MRAP: variants seen among roughly 807,000 people sequenced by gnomAD.
MRAP encodes the protein melanocortin-2 receptor accessory protein.
In MRAP, 8 loss-of-function variants were observed where a neutral mutation model predicts 8.7. That is an observed-to-expected ratio of 0.92 (90% confidence interval 0.54 to 1.66). The LOEUF is 1.66. Ranked by LOEUF, MRAP falls within the 40% of genes most tolerant of loss-of-function variation. The pLI is 0.00. For missense variants in MRAP, 237 were observed against 217.1 expected, an observed-to-expected ratio of 1.09 and a Z score of -0.58; for synonymous variants, 95 against 95.5, an observed-to-expected ratio of 1.00 and a Z score of 0.03.
intron 2 of MRAP, chr21:32,311,405 T>TCCC: frequency 3.4e-6 from 1 of 291,706 alleles, no homozygotes; most frequent in Non-Finnish European, 6.5e-6. Flanking sequence ...CCTGCTCCCC[T>TCCC]CCACCCCCCA....
upstream of MRAP, among the ~76,000 whole-genome samples, chr21:32,297,724 C>T (rs957565933): frequency 6.6e-6 from 1 of 152,200 alleles, no homozygotes; most frequent in Non-Finnish European, 1.5e-5. Flanking sequence ...GAAAAGCCCA[C>T]AAGTCTGGCG....
chr21:32,293,476 C>T (rs1323443207), intron 2 of MRAP, among the ~76,000 whole-genome samples: 3 of 152,180 alleles, frequency 2.0e-5, no homozygotes, highest in Non-Finnish European at 4.4e-5. Flanking sequence ...ACAGCAGGGC[C>T]TGGAGACGGC....
intron 1 of MRAP, among the ~76,000 whole-genome samples, chr21:32,305,287 T>C (rs558954918): frequency 6.6e-6 from 1 of 152,274 alleles, no homozygotes; most frequent in East Asian, 1.9e-4. Flanking sequence ...TATACCCTGT[T>C]TTTAATGTTA....
upstream of MRAP, chr21:32,298,758 A>G (rs1032413736): frequency 3.9e-6 from 2 of 518,622 alleles, no homozygotes; most frequent in African/African-American, 1.9e-5. Context: ...GCAGATGGGA[A>G]GCTCTGCTGG....
chr21:32,312,354 T>C (rs1207604600), downstream of MRAP: 6 of 1,183,034 alleles, frequency 5.1e-6, no homozygotes, highest in Non-Finnish European at 6.4e-6. Flanking sequence ...TTATCAGCCC[T>C]GAGTTCACCT....
At chr21:32,310,264 T>C (rs2032525742) in intron 2 of MRAP, among the ~76,000 whole-genome samples, 2 of 150,518 alleles carry the variant, frequency 1.3e-5, no homozygotes, top group African/African-American at 2.4e-5. Flanking sequence ...ATTCCTGGAA[T>C]GCTCAGGGCG....
At chr21:32,308,970 C>CG (rs141056064) in intron 2 of MRAP, among the ~76,000 whole-genome samples, 1,991 of 152,306 alleles carry the variant, frequency 0.013, 50 homozygotes, top group African/African-American at 0.044. Context: ...TGAGCCAGTG[C>CG]GTCCCATGCC....
chr21:32,311,658 T>C (rs1016027282), intron 2 of MRAP, 26 bp from the exon 3 acceptor site: 3 of 1,612,302 alleles, frequency 1.9e-6, no homozygotes. Flanking sequence ...CTATGATGCC[T>C]GCCTCCCACT....
intron 1 of MRAP, among the ~76,000 whole-genome samples, chr21:32,304,401 G>A (rs1264912744): frequency 6.6e-6 from 1 of 152,080 alleles, no homozygotes; most frequent in Non-Finnish European, 1.5e-5. Flanking sequence ...TGGATCATGA[G>A]GTCAGGAGAT....
At chr21:32,300,544 TCA>T (rs1250731245) in intron 1 of MRAP, among the ~76,000 whole-genome samples, 2 of 147,874 alleles carry the variant, frequency 1.4e-5, no homozygotes, top group Non-Finnish European at 3.0e-5. Flanking sequence ...GTCAGATGCG[TCA>T]CGTGTCCTAT....
At chr21:32,295,944 C>T (rs373716648), upstream of MRAP, among the ~76,000 whole-genome samples, 57 of 152,268 alleles carry the variant, frequency 3.7e-4, 1 homozygote, top group South Asian at 0.011. Flanking sequence ...CCACTGCACT[C>T]CAGCCTGGAC....
Position 32,311,983 on chromosome 21 carries a change from A to C in MRAP, c.506A>C (p.Gln169Pro). ...CCTCCCCCTGGAGACAGGACCTCTC[A>C]ATTGCAGAGCTGATGTCAGTAAATC... is the stretch of plus-strand genomic sequence containing the variant. ...SEPPPGDRTS[Q>P]LQS Residue 169 changes from glutamine to proline, a missense_variant, in exon 3 of 3, where the codon CAA becomes CCA. By Grantham distance (76) the Gln-to-Pro change is moderately conservative. Coordinates refer to ENST00000303645, the MANE Select transcript of MRAP (RefSeq NM_001379228.1). 1 of 1,613,294 alleles carries C rather than the reference A, an allele frequency of 6.2e-7. No individual in the cohort carries two copies. The highest frequency in any genetic ancestry group is 8.5e-7 in the Non-Finnish European group (1 of 1,180,030).
At chr21:32,307,651 T>C (rs1212615598) in intron 2 of MRAP, among the ~76,000 whole-genome samples, 2 of 151,632 alleles carry the variant, frequency 1.3e-5, no homozygotes, top group Non-Finnish European at 2.9e-5. Flanking sequence ...TCCCAGCACC[T>C]TGGGAAGCCA....
At chr21:32,300,402 C>T (rs1197918089) in intron 1 of MRAP, among the ~76,000 whole-genome samples, 12 of 150,322 alleles carry the variant, frequency 8.0e-5, no homozygotes, top group Non-Finnish European at 1.2e-4. Context: ...CATCCTATGT[C>T]GGATGCATCA....
intron 2 of MRAP, among the ~76,000 whole-genome samples, chr21:32,308,200 C>A (rs556384800): frequency 6.6e-6 from 1 of 152,020 alleles, no homozygotes; most frequent in South Asian, 2.1e-4. Flanking sequence ...TGGTGAAACC[C>A]CATCTCTACT....
At chr21:32,298,367 AG>A (rs1348449455), upstream of MRAP, among the ~76,000 whole-genome samples, 59 of 152,164 alleles carry the variant, frequency 3.9e-4, no homozygotes, top group East Asian at 1.9e-4. Flanking sequence ...CTGTTGGGGC[AG>A]GGGGCTCTCT....
chr21:32,306,967 G>T, intron 2 of MRAP: 1 of 592,054 alleles, frequency 1.7e-6, no homozygotes, highest in Non-Finnish European at 3.1e-6. Context: ...GTATGTTGCA[G>T]ATTTTGCAGC....
Position 32,306,856 on chromosome 21 carries a change from A to T in MRAP, c.206+117A>T, listed in dbSNP as rs78794650. The T allele has an allele frequency of 4.8e-4, 398 of 836,422 alleles. 5 individuals are homozygous for T. In the African/African-American group the frequency reaches 5.7e-3, roughly 12 times the overall value. The allele number at this position is 836,422 out of a possible 1,614,324, so 51.8% of individuals were successfully genotyped here. The stretch of plus-strand genomic sequence containing the variant: ...AGACCAGAAGTGTTTCAGATTTGGG[A>T]TTTAAAAATATTTGCATTGTACCTA... On this transcript the variant is annotated intron_variant, in intron 2 of 2. Coordinates refer to ENST00000303645, the MANE Select transcript of MRAP (RefSeq NM_001379228.1).
At chr21:32,307,618 C>A (rs2032452549) in intron 2 of MRAP, among the ~76,000 whole-genome samples, 1 of 151,872 alleles carries the variant, frequency 6.6e-6, no homozygotes, top group South Asian at 2.1e-4. Context: ...TAAGCCAGGC[C>A]CAGTAGCTCA....
Sources: gnomAD v4.1 joint callset for allele counts (sites outside exome capture counted in the v4.1 genomes callset) on GRCh38, gnomAD v4.1.1 for gene constraint, MANE v1.5 for transcripts, NCBI Gene and HGNC (gene_info 2026-07-23, HGNC 2026-07-21) for gene names.